EPB41L1: variants seen among roughly 807,000 people sequenced by gnomAD.
EPB41L1 encodes band 4.1-like protein 1.
EPB41L1 carries 29 observed loss-of-function variants against 97.8 expected under a neutral mutation model. That is an observed-to-expected ratio of 0.30 (90% CI 0.22 to 0.40). The LOEUF is 0.40. EPB41L1 is among the 10% of genes least tolerant of loss of function. The pLI is 1.00. For missense variants in EPB41L1, 812 were observed against 1,162.3 expected, an observed-to-expected ratio of 0.70 and a Z score of 4.38; for synonymous variants, 383 against 459.2, an observed-to-expected ratio of 0.83 and a Z score of 2.12.
chr20:36,199,860 G>A (rs1289726261), intron 14 of EPB41L1, among the ~76,000 whole-genome samples: 1 of 152,202 alleles, frequency 6.6e-6, no homozygotes, highest in Non-Finnish European at 1.5e-5. Context: ...TGAGCCCTGG[G>A]AAGTGAGGTC....
At chr20:36,213,401 A>G (rs1475864647) in intron 16 of EPB41L1, among the ~76,000 whole-genome samples, 1 of 152,134 alleles carries the variant, frequency 6.6e-6, no homozygotes, top group Non-Finnish European at 1.5e-5. Context: ...AAAAAAAGAG[A>G]GAGAAAGAGA....
At chr20:36,177,842 C>T in intron 3 of EPB41L1, 110 bp from the exon 4 acceptor site, 1 of 864,716 alleles carries the variant, frequency 1.2e-6, no homozygotes, top group Non-Finnish European at 1.9e-6. Flanking sequence ...CCTGTCCAGA[C>T]ACCGAAAGGC....
At chr20:36,177,397 G>A (rs1356070171) in intron 3 of EPB41L1, among the ~76,000 whole-genome samples, 1 of 152,206 alleles carries the variant, frequency 6.6e-6, no homozygotes, top group Non-Finnish European at 1.5e-5. Flanking sequence ...GAAGCTGATG[G>A]AGGCCCCATG....
chr20:36,214,282 G>A, intron 16 of EPB41L1, 75 bp from the exon 17 acceptor site: 1 of 1,174,274 alleles, frequency 8.5e-7, no homozygotes, highest in Non-Finnish European at 1.3e-6. Flanking sequence ...GTAACTGGGA[G>A]GCCGTGAGCC....
At chr20:36,101,355 G>C (rs1272547095) in intron 1 of EPB41L1, among the ~76,000 whole-genome samples, 1 of 152,190 alleles carries the variant, frequency 6.6e-6, no homozygotes, top group Non-Finnish European at 1.5e-5. Context: ...AGTCAGGGCT[G>C]CTGGTCTCAG....
rs1431095952 is a variant in EPB41L1 at position 36,188,629 on chromosome 20, CACACACACACACAGAG to C, written c.1026+132_1026+147del. 2.1e-3 allele frequency: 1,379 copies of C among 667,988 alleles called. 18 individuals are homozygous for C. In the African/African-American group the frequency reaches 0.029, roughly 14 times the overall value. 41.4% of individuals were successfully genotyped at this position (667,988 alleles called of 1,614,324 possible). A position where few individuals can be genotyped will look rare whatever the true frequency, so the allele number is the denominator to read the frequency against. Reference sequence around the variant, plus strand: ...ACACACACACACACACACACACACACACACACACACACAGAGAGAGAGAGAGAGAGAGAGAGAGAGG... The same window carrying C: ...ACACACACACACACACACACACACACAGAGAGAGAGAGAGAGAGAGAGAGG... On this transcript the variant is annotated intron_variant, in intron 9 of 21. Transcript: ENST00000338074.
intron 1 of EPB41L1, among the ~76,000 whole-genome samples, chr20:36,106,056 C>T (rs1401751341): frequency 6.6e-6 from 1 of 151,684 alleles, no homozygotes; most frequent in Non-Finnish European, 1.5e-5. Flanking sequence ...GGTGAGTGCT[C>T]TTAGGGGAGG....
chr20:36,213,249 T>G (rs1299718139), intron 16 of EPB41L1, among the ~76,000 whole-genome samples: 1 of 152,042 alleles, frequency 6.6e-6, no homozygotes, highest in Non-Finnish European at 1.5e-5. Flanking sequence ...AATACAAAAA[T>G]TAGCTGGGCA....
chr20:36,182,972 T>G (rs1028994507), intron 6 of EPB41L1, among the ~76,000 whole-genome samples: 1 of 152,158 alleles, frequency 6.6e-6, no homozygotes, highest in Admixed American at 6.5e-5. Context: ...GCCTGGGCTG[T>G]TGGGGCAAGC....
intron 16 of EPB41L1, 126 bp from the exon 17 acceptor site, chr20:36,214,231 G>GC (rs1372532707): frequency 1.8e-5 from 13 of 705,840 alleles, no homozygotes; most frequent in African/African-American, 3.5e-5. Flanking sequence ...TCTGTGTGCA[G>GC]CCCCCTGCCA....
At chr20:36,152,612 T>G (rs998671419), upstream of EPB41L1, 1 of 213,522 alleles carries the variant, frequency 4.7e-6, no homozygotes, top group African/African-American at 2.3e-5. Flanking sequence ...ATCAAAATAC[T>G]TGAAGGCAGG....
At chr20:36,176,409 T>C (rs1473639658) in intron 3 of EPB41L1, among the ~76,000 whole-genome samples, 1 of 152,166 alleles carries the variant, frequency 6.6e-6, no homozygotes, top group African/African-American at 2.4e-5. Flanking sequence ...CCTTAGAGGT[T>C]CTATCCCTGC....
intron 11 of EPB41L1, among the ~76,000 whole-genome samples, chr20:36,193,180 G>A (rs1278511557): frequency 2.6e-5 from 4 of 152,142 alleles, no homozygotes; most frequent in East Asian, 1.9e-4. Context: ...GAAGCTCATC[G>A]GAGAGGAGCA....
chr20:36,134,585 G>C (rs1295810931), intron 2 of EPB41L1, among the ~76,000 whole-genome samples: 2 of 152,190 alleles, frequency 1.3e-5, no homozygotes, highest in South Asian at 2.1e-4. Context: ...TGCTTGGACT[G>C]TGTCCCACTG....
chr20:36,194,461 A>G, intron 12 of EPB41L1, 101 bp downstream of exon 12: 1 of 1,454,246 alleles, frequency 6.9e-7, no homozygotes, highest in East Asian at 2.5e-5. Context: ...GCTGTGGCCA[A>G]GCACCCTTAC....
chr20:36,143,409 G>T (rs965670917), intron 2 of EPB41L1, among the ~76,000 whole-genome samples: 2 of 152,112 alleles, frequency 1.3e-5, no homozygotes, highest in Non-Finnish European at 2.9e-5. Flanking sequence ...GAGGCAATAT[G>T]ACAAGGGTGA....
Position 36,178,731 on chromosome 20 carries a change from G to C in EPB41L1, c.490+59G>C. 3.8e-6 allele frequency: 6 copies of C among 1,558,668 alleles called. No homozygotes were observed. The South Asian group carries it at 4.4e-5, about 12-fold the overall frequency. ...GGTGAGGGGATTCCAGGCCATGAGAGCCCCCCTTGTACTGCTCTCTCCTCC... is the reference window on the plus strand; with the variant it reads ...GGTGAGGGGATTCCAGGCCATGAGACCCCCCCTTGTACTGCTCTCTCCTCC... On this transcript the variant is annotated intron_variant, in intron 5 of 21. Transcript: ENST00000338074.
At chr20:36,178,731 G>A (rs1267234336) in intron 5 of EPB41L1, 59 bp downstream of exon 5, 4 of 1,558,668 alleles carry the variant, frequency 2.6e-6, no homozygotes, top group Non-Finnish European at 3.5e-6. Flanking sequence ...GGCCATGAGA[G>A]CCCCCCTTGT....
At chr20:36,097,602 T>A (rs2044105488) in intron 1 of EPB41L1, among the ~76,000 whole-genome samples, 2 of 152,136 alleles carry the variant, frequency 1.3e-5, no homozygotes, top group South Asian at 4.1e-4. Flanking sequence ...GGAGCAGACA[T>A]GTAAAGATGC....
Sources: gnomAD v4.1 joint callset for allele counts (sites outside exome capture counted in the v4.1 genomes callset) on GRCh38, gnomAD v4.1.1 for gene constraint, MANE v1.5 for transcripts, NCBI Gene and HGNC (gene_info 2026-07-23, HGNC 2026-07-21) for gene names.